PHF2: variants seen among roughly 807,000 people sequenced by gnomAD.
PHF2 encodes the protein PHD finger protein 2.
A neutral mutation model predicts 120.5 loss-of-function variants in PHF2; 27 were observed. The ratio of observed to expected loss-of-function variants is 0.22; its 90% CI spans 0.17 to 0.31. The LOEUF is 0.31. Among genes scored for constraint, PHF2 ranks in the 10% least tolerant of loss-of-function variants. PHF2 has a pLI of 1.00. For missense variants in PHF2, 1,024 were observed against 1,434.8 expected (o/e 0.71, Z 4.63); for synonymous variants, 568 against 592.5 (o/e 0.96, Z 0.60).
intron 1 of PHF2, among the ~76,000 whole-genome samples, chr9:93,628,087 C>G (rs1055497797): frequency 3.9e-5 from 6 of 152,216 alleles, no homozygotes; most frequent in African/African-American, 7.2e-5. Context: ...ACCGTCCTTG[C>G]ATTCCTGTGA....
At chr9:93,627,027 A>G (rs1211319197) in intron 1 of PHF2, among the ~76,000 whole-genome samples, 1 of 152,182 alleles carries the variant, frequency 6.6e-6, no homozygotes, top group Non-Finnish European at 1.5e-5. Flanking sequence ...TAGCTTTTCC[A>G]TTTCTGTAAA....
intron 1 of PHF2, among the ~76,000 whole-genome samples, chr9:93,603,026 G>A (rs1411006210): frequency 2.6e-5 from 4 of 152,092 alleles, no homozygotes; most frequent in African/African-American, 4.8e-5. Context: ...AGGGGGGCGC[G>A]GAGGTGGGGG....
chr9:93,602,249 T>TTTC (rs1825455420), intron 1 of PHF2, among the ~76,000 whole-genome samples: 1 of 53,716 alleles, frequency 1.9e-5, no homozygotes, highest in African/African-American at 4.6e-5. Flanking sequence ...TAGAGATTCT[T>TTTC]TTTTTTTTTT....
At chr9:93,631,864 T>C (rs1020758110) in intron 2 of PHF2, among the ~76,000 whole-genome samples, 23 of 152,150 alleles carry the variant, frequency 1.5e-4, no homozygotes, top group African/African-American at 5.1e-4. Flanking sequence ...TGTGCATCAC[T>C]TGAGAAGAGG....
At chr9:93,603,751 C>T (rs1480080717) in intron 1 of PHF2, among the ~76,000 whole-genome samples, 29 of 152,208 alleles carry the variant, frequency 1.9e-4, no homozygotes. Flanking sequence ...CCCTCATCTG[C>T]ACACCTACCT....
At chr9:93,629,294 G>C (rs1409962190) in intron 1 of PHF2, among the ~76,000 whole-genome samples, 1 of 152,196 alleles carries the variant, frequency 6.6e-6, no homozygotes, top group Non-Finnish European at 1.5e-5. Context: ...GATGTCTTAG[G>C]TTGTGTCCTT....
intron 2 of PHF2, among the ~76,000 whole-genome samples, chr9:93,632,160 G>A (rs1031425625): frequency 1.3e-5 from 2 of 152,152 alleles, no homozygotes; most frequent in African/African-American, 4.8e-5. Flanking sequence ...AGGGAGTTTG[G>A]GCAGAGGCCT....
intron 6 of PHF2, among the ~76,000 whole-genome samples, chr9:93,653,654 A>G (rs561460932): frequency 2.0e-5 from 3 of 152,326 alleles, no homozygotes; most frequent in Middle Eastern, 3.4e-3. Flanking sequence ...AGAAAGGGGA[A>G]TGTTGCAAAA....
chr9:93,676,842 A>G lies in PHF2; in HGVS notation c.3081A>G (p.Thr1027=), dbSNP rs980803082. 4.5e-6 allele frequency: 7 copies of G among 1,560,642 alleles called. No homozygotes were observed. Among genetic ancestry groups the G allele is most frequent in the Non-Finnish European group, 3.5e-6 (4 of 1,152,212 alleles). Residue 1027 remains threonine (T), a synonymous_variant, in exon 21 of 22, where the codon ACA becomes ACG. Coordinates refer to ENST00000359246, the MANE Select transcript of PHF2 (RefSeq NM_005392.4). ...GCAGCCTGGCGGACCATGAGTACAC[A>G]GCCGCTGGCACCTTCACCGGGGCCC... The part of the protein sequence containing the change: ...HSSSLADHEY[T]AAGTFTGAQA...
intron 1 of PHF2, among the ~76,000 whole-genome samples, chr9:93,578,538 T>C (rs866301722): frequency 6.6e-6 from 1 of 152,206 alleles, no homozygotes; most frequent in Admixed American, 6.5e-5. Flanking sequence ...GTCACTCTGC[T>C]ACAGAACCTT....
Position 93,672,996 on chromosome 9 carries a change from G to T in PHF2, c.2349-589G>T, listed in dbSNP as rs547326478. The stretch of plus-strand genomic sequence containing the variant: ...GGTGTAGATGCATGTATGGGTGTAG[G>T]TGCAGATGCAGGTGTGGGTAAAGGT... On this transcript the variant is annotated intron_variant, in intron 17 of 21. Transcript: ENST00000359246. Among the ~76,000 whole-genome samples, 4 of 151,790 alleles carry T rather than the reference G, an allele frequency of 2.6e-5. No homozygotes were observed. The East Asian group carries it at 7.7e-4, about 29-fold the overall frequency.
chr9:93,583,149 C>T (rs77978457), intron 1 of PHF2, among the ~76,000 whole-genome samples: 5,534 of 152,284 alleles, frequency 0.036, 180 homozygotes, highest in African/African-American at 0.073. Context: ...CTATTTCATA[C>T]GAATAGAATC....
intron 3 of PHF2, among the ~76,000 whole-genome samples, chr9:93,642,681 T>G (rs1826189480): frequency 6.6e-6 from 1 of 152,246 alleles, no homozygotes; most frequent in Admixed American, 6.5e-5. Flanking sequence ...TGCCTCTAGA[T>G]GTACATTTGT....
intron 6 of PHF2, among the ~76,000 whole-genome samples, chr9:93,654,125 A>G (rs1157786157): frequency 6.6e-6 from 1 of 152,174 alleles, no homozygotes; most frequent in African/African-American, 2.4e-5. Context: ...AATGCTTTTG[A>G]CAGTCATTTG....
chr9:93,674,459 T>C (rs1023793404), intron 18 of PHF2, among the ~76,000 whole-genome samples: 37 of 152,172 alleles, frequency 2.4e-4, no homozygotes, highest in African/African-American at 8.4e-4. Flanking sequence ...ACAGAACCTT[T>C]CCTGGAGCCT....
At chr9:93,655,857 G>A (rs1029096007) in intron 7 of PHF2, 77 bp from the exon 8 acceptor site, 24 of 1,079,440 alleles carry the variant, frequency 2.2e-5, no homozygotes, top group East Asian at 1.0e-4. Flanking sequence ...GGTCTCCGCC[G>A]CTCCCTGATC....
At chr9:93,644,307 A>G (rs1826216703) in intron 3 of PHF2, among the ~76,000 whole-genome samples, 1 of 151,708 alleles carries the variant, frequency 6.6e-6, no homozygotes, top group South Asian at 2.1e-4. Context: ...AATTGCTTAA[A>G]ACCTGGGAGG....
chr9:93,654,693 C>T (rs1289806998), intron 7 of PHF2, 118 bp downstream of exon 7: 4 of 970,206 alleles, frequency 4.1e-6, no homozygotes, highest in African/African-American at 1.6e-5. Flanking sequence ...CCCTGGCATG[C>T]CTGCTCCCTT....
At chr9:93,662,371 A>G (rs1337714432) in intron 12 of PHF2, among the ~76,000 whole-genome samples, 2 of 151,340 alleles carry the variant, frequency 1.3e-5, no homozygotes, top group Non-Finnish European at 2.9e-5. Context: ...GGATGAGTGG[A>G]TGGGGAGATG....
Sources: gnomAD v4.1 joint callset for allele counts (sites outside exome capture counted in the v4.1 genomes callset) on GRCh38, gnomAD v4.1.1 for gene constraint, MANE v1.5 for transcripts, NCBI Gene and HGNC (gene_info 2026-07-23, HGNC 2026-07-21) for gene names.